Variants in CELF2 observed in about 807,000 individuals in gnomAD.
The protein encoded by CELF2 is CUG triplet repeat RNA-binding protein 2.
CELF2 carries 8 observed loss-of-function variants against 62.6 expected under a neutral mutation model. That is an observed-to-expected ratio of 0.13 (90% CI 0.07 to 0.23). The LOEUF (loss-of-function observed/expected upper bound fraction) is 0.23. Ranked by LOEUF, CELF2 falls within the 10% of genes least tolerant of loss-of-function variation. CELF2 has a pLI of 1.00. For missense variants in CELF2, 333 were observed against 671.0 expected (o/e 0.50, Z 5.56); for synonymous variants, 258 against 250.0 (o/e 1.03, Z -0.30).
chr10:10,695,469 C>T, the CELF2 span, among the ~76,000 whole-genome samples: 1 of 150,654 alleles, frequency 6.6e-6, no homozygotes, highest in Non-Finnish European at 1.5e-5. Context: ...TTTGGTGAAT[C>T]TGACAATTAT....
chr10:10,666,725 G>A, the CELF2 span, among the ~76,000 whole-genome samples: 5 of 123,582 alleles, frequency 4.0e-5, 1 homozygote, highest in Non-Finnish European at 8.3e-5. Flanking sequence ...AGCCGGGCGT[G>A]GTAGCGGGCG....
intron 1 of CELF2, among the ~76,000 whole-genome samples, chr10:11,094,935 A>C (rs764640031): frequency 6.6e-6 from 1 of 152,174 alleles, no homozygotes; most frequent in African/African-American, 2.4e-5. Flanking sequence ...TGTCCATTCT[A>C]ATTTCCCAAA....
At position 11,183,147 on chromosome 10, in the gene CELF2, G is replaced by A. The variant is rs139702574; in HGVS notation, c.271+17465G>A. ...GTCCCTTCTGTCCTGGCTGCCCCAT[G>A]CCTCAATTACTGACCTACTTTCTGT... On this transcript the variant is annotated intron_variant, in intron 2 of 12. Coordinates refer to ENST00000633077, the MANE Select transcript of CELF2 (RefSeq NM_001326342.2). Among the ~76,000 whole-genome samples the A allele has an allele frequency of 3.9e-4, 60 of 152,286 alleles. No homozygotes were observed. The East Asian group carries it at 0.011, about 27-fold the overall frequency.
At chr10:10,753,411 A>G in the CELF2 span, among the ~76,000 whole-genome samples, 1 of 152,058 alleles carries the variant, frequency 6.6e-6, no homozygotes, top group Admixed American at 6.6e-5. Flanking sequence ...TCACAAAAAA[A>G]TATATACTTT....
intron 1 of CELF2, among the ~76,000 whole-genome samples, chr10:11,084,120 T>C (rs1054537392): frequency 1.3e-5 from 2 of 152,268 alleles, no homozygotes; most frequent in Non-Finnish European, 2.9e-5. Context: ...AGATTCATTT[T>C]CCTCCAGAAG....
chr10:10,726,491 C>T, the CELF2 span, among the ~76,000 whole-genome samples: 3 of 152,274 alleles, frequency 2.0e-5, no homozygotes, highest in African/African-American at 7.2e-5. Context: ...TATCGTTCAT[C>T]GAGTCCCAAG....
At chr10:10,960,007 G>A (rs1009936435) in intron 2 of CELF2, 1 of 152,194 alleles carries the variant, frequency 6.6e-6, no homozygotes, top group African/African-American at 2.4e-5. Flanking sequence ...CAGCTTTCAG[G>A]GTTCCTGCTA....
intron 1 of CELF2, among the ~76,000 whole-genome samples, chr10:10,846,376 G>A (rs576908066): frequency 6.6e-6 from 1 of 152,140 alleles, no homozygotes; most frequent in South Asian, 2.1e-4. Flanking sequence ...TATCAACAGA[G>A]CAGCAGCTGC....
the CELF2 span, among the ~76,000 whole-genome samples, chr10:10,632,709 G>A: frequency 6.6e-6 from 1 of 152,160 alleles, no homozygotes; most frequent in South Asian, 2.1e-4. Context: ...AGTTATTTTA[G>A]TAGATGATAA....
chr10:10,802,535 T>G (rs754874235), intron 1 of CELF2, among the ~76,000 whole-genome samples: 4 of 130,256 alleles, frequency 3.1e-5, no homozygotes, highest in Non-Finnish European at 6.4e-5. Flanking sequence ...AGATGAGATG[T>G]TTATAGATAA....
the CELF2 span, among the ~76,000 whole-genome samples, chr10:10,767,346 A>C: frequency 6.6e-6 from 1 of 152,114 alleles, no homozygotes; most frequent in Non-Finnish European, 1.5e-5. Flanking sequence ...TGTCTTCCAG[A>C]TTGACTGAGG....
Position 11,257,883 on chromosome 10 carries a change from T to C in CELF2, c.538+11T>C. The C allele has an allele frequency of 6.2e-7, 1 of 1,614,012 alleles. No homozygotes were observed. The highest frequency in any genetic ancestry group is 1.3e-5 in the African/African-American group (1 of 75,058). ...ATGGGCTGAGTCGAGGTGAGTGTGC[T>C]GTCTGGAAAGCCTCTCCCCTTCAGT... On this transcript the variant is annotated intron_variant, in intron 5 of 12. Transcript: ENST00000633077.
the CELF2 span, among the ~76,000 whole-genome samples, chr10:10,760,754 C>T: frequency 6.6e-6 from 1 of 152,084 alleles, no homozygotes; most frequent in East Asian, 1.9e-4. Flanking sequence ...CAGTGTTTCT[C>T]GCAGAAAGAA....
the CELF2 span, among the ~76,000 whole-genome samples, chr10:10,565,661 T>G: frequency 1.3e-5 from 2 of 152,210 alleles, no homozygotes; most frequent in Non-Finnish European, 1.5e-5. Flanking sequence ...GAAGACTTTG[T>G]GTGTGTTCCT....
the CELF2 span, among the ~76,000 whole-genome samples, chr10:10,507,013 A>G: frequency 2.1e-4 from 32 of 152,054 alleles, no homozygotes; most frequent in Non-Finnish European, 4.3e-4. Context: ...ATCCAGGCAA[A>G]GGATGTGCTT....
At chr10:10,977,569 G>A (rs2051496204) in intron 2 of CELF2, among the ~76,000 whole-genome samples, 1 of 152,104 alleles carries the variant, frequency 6.6e-6, no homozygotes, top group Non-Finnish European at 1.5e-5. Flanking sequence ...TTAGAAATGA[G>A]TCAATTTAGA....
At chr10:10,835,143 G>T (rs773190116) in intron 1 of CELF2, among the ~76,000 whole-genome samples, 22 of 151,880 alleles carry the variant, frequency 1.4e-4, no homozygotes, top group Non-Finnish European at 3.1e-4. Flanking sequence ...GTGGCCAGAT[G>T]TTTTTTTTAA....
Position 11,300,004 on chromosome 10 carries a change from C to G in CELF2, c.976+11452C>G, listed in dbSNP as rs2093571013. ...CCTGTGTACTGCCTGTATGAATGGA[C>G]TCTTCCAAACTCATGGCCCCACACT... On this transcript the variant is annotated intron_variant, in intron 9 of 12. Transcript: ENST00000633077. The surrounding 1 kb of genome is among the most constrained non-coding windows in gnomAD (Gnocchi z 5.5). 6.6e-6 allele frequency among the ~76,000 whole-genome samples: 1 copy of G among 152,204 alleles called. No homozygotes were observed. Among genetic ancestry groups the G allele is most frequent in the Non-Finnish European group, 1.5e-5 (1 of 68,036 alleles).
At chr10:11,037,919 G>C (rs1381615754) in intron 1 of CELF2, among the ~76,000 whole-genome samples, 1 of 152,146 alleles carries the variant, frequency 6.6e-6, no homozygotes, top group African/African-American at 2.4e-5. Context: ...TTAATGAGCA[G>C]TGGCAAAGTG....
Sources: gnomAD v4.1 joint callset for allele counts (sites outside exome capture counted in the v4.1 genomes callset) on GRCh38, gnomAD v4.1.1 for gene constraint, Gnocchi (gnomAD v3.1) non-coding constraint, MANE v1.5 for transcripts, NCBI Gene and HGNC (gene_info 2026-07-23, HGNC 2026-07-21) for gene names.